Variants in DEPDC5 observed in about 807,000 individuals in gnomAD.
DEPDC5 encodes DEP domain containing 5, GATOR1 subcomplex subunit.
A neutral mutation model predicts 217.3 loss-of-function variants in DEPDC5; 73 were observed. The observed-to-expected ratio is 0.34, with a 90% CI of 0.28 to 0.41. The LOEUF is 0.41. Ranked by LOEUF, DEPDC5 falls within the 10% of genes least tolerant of loss-of-function variation. DEPDC5 has a pLI of 1.00. For missense variants in DEPDC5, 1,675 were observed against 2,070.1 expected (o/e 0.81, Z 3.70); for synonymous variants, 733 against 756.7 (o/e 0.97, Z 0.51).
chr22:31,812,865 C>T (rs903758133), intron 20 of DEPDC5, among the ~76,000 whole-genome samples: 4 of 151,586 alleles, frequency 2.6e-5, no homozygotes, highest in Non-Finnish European at 5.9e-5. Flanking sequence ...CTCAGCCTCC[C>T]GAGTAGCTGG....
intron 37 of DEPDC5, among the ~76,000 whole-genome samples, chr22:31,878,940 TCACTTGAACCTGG>T (rs2093082511): frequency 6.7e-6 from 1 of 148,390 alleles, no homozygotes; most frequent in South Asian, 2.1e-4. Flanking sequence ...GGTAGGAGAA[TCACTTGAACCTGG>T]GAGGCAGAGG....
chr22:31,863,661 A>G (rs1020056093), intron 33 of DEPDC5, among the ~76,000 whole-genome samples: 3 of 152,166 alleles, frequency 2.0e-5, no homozygotes, highest in East Asian at 1.9e-4. Flanking sequence ...TTAAAAATAT[A>G]TACATAAAAA....
At chr22:31,781,233 AC>A (rs1236528263) in intron 8 of DEPDC5, among the ~76,000 whole-genome samples, 2 of 149,698 alleles carry the variant, frequency 1.3e-5, no homozygotes, top group African/African-American at 4.9e-5. Context: ...AAACAAACAA[AC>A]AAAAAAAAAA....
At position 31,901,927 on chromosome 22, in the gene DEPDC5, T is replaced by C. The variant is rs1281347985; in HGVS notation, c.4436+125T>C. 9 of 795,636 alleles carry C rather than the reference T, an allele frequency of 1.1e-5. No homozygotes were observed. In the East Asian group the frequency reaches 2.3e-4, roughly 20 times the overall value. The allele number at this position is 795,636 out of a possible 1,614,324, so 49.3% of individuals were successfully genotyped here. A position where few individuals can be genotyped will look rare whatever the true frequency, so the allele number is the denominator to read the frequency against. ...GGGATGTATTCCACCAATGGCAAAT[T>C]CACTGCTTATCTCCAACAGGACTCT... is the stretch of plus-strand genomic sequence containing the variant. On this transcript the variant is annotated intron_variant, in intron 41 of 42. Coordinates refer to ENST00000651528, the MANE Select transcript of DEPDC5 (RefSeq NM_001242896.3).
chr22:31,809,681 TA>T (rs1362738220), intron 19 of DEPDC5, 34 bp downstream of exon 19: 2 of 1,612,254 alleles, frequency 1.2e-6, no homozygotes, highest in South Asian at 1.1e-5. Flanking sequence ...TTCTTGCTTT[TA>T]AAAAGAGAGT....
intron 38 of DEPDC5, among the ~76,000 whole-genome samples, chr22:31,889,655 C>T (rs926009821): frequency 6.6e-6 from 1 of 151,280 alleles, no homozygotes; most frequent in African/African-American, 2.4e-5. Flanking sequence ...ATTCTCCTGC[C>T]TCAGCCTCCC....
In DEPDC5 at chr22:31,906,169, G is replaced by T; in HGVS notation, c.4520-36G>T. On this transcript the variant is annotated intron_variant, in intron 42 of 42. Transcript: ENST00000651528. The surrounding 1 kb of genome is among the most constrained non-coding windows in gnomAD (Gnocchi z 5.1). ...CTCAGCAGGCTCCAGGAGCCCTCCT[G>T]GTGGCTGCCACACAGGCGCTCCCCT... The T allele has an allele frequency of 1.2e-6, 2 of 1,612,706 alleles. No homozygotes were observed. The highest frequency in any genetic ancestry group is 4.5e-5 in the East Asian group (2 of 44,844).
chr22:31,879,043 A>AATAT (rs1555918454), intron 37 of DEPDC5, among the ~76,000 whole-genome samples: 1,782 of 119,184 alleles, frequency 0.015, 31 homozygotes, highest in East Asian at 0.036. Context: ...AAAAAAAAAA[A>AATAT]ATATATATAT....
At chr22:31,871,868 G>A (rs1211926566) in intron 34 of DEPDC5, among the ~76,000 whole-genome samples, 2 of 152,206 alleles carry the variant, frequency 1.3e-5, no homozygotes, top group Non-Finnish European at 2.9e-5. Context: ...GAAATGGGCT[G>A]CACTTAGAGG....
chr22:31,845,380 C>A, intron 30 of DEPDC5, 143 bp downstream of exon 30: 1 of 1,144,770 alleles, frequency 8.7e-7, no homozygotes, highest in Non-Finnish European at 1.2e-6. Context: ...ACAGTGTTTT[C>A]TCCTCCACCG....
chr22:31,821,614 A>T lies in DEPDC5; in HGVS notation c.1983A>T (p.Leu661Phe). The change falls in exon 23 of 43, where the codon TTA becomes TTT. Residue 661 changes from leucine to phenylalanine, a missense_variant. Around this residue, in one of 11 missense-constraint regions of DEPDC5, gnomAD observed 136 missense variants for 132.2 expected, o/e 1.03. Transcript: ENST00000651528. ...ACTCCTCTGCAGAGCTGCTGGAGTT[A>T]GCATATCATGAAGCTGCTGGAAGGT... is the stretch of plus-strand genomic sequence containing the variant. ...PTHSSAELLE[L>F]AYHEAAGRHS... is the part of the protein sequence containing the mutation. The T allele has an allele frequency of 6.2e-7, 1 of 1,613,912 alleles. No homozygotes were observed. The highest frequency in any genetic ancestry group is 1.3e-5 in the African/African-American group (1 of 75,042).
intron 7 of DEPDC5, among the ~76,000 whole-genome samples, chr22:31,775,184 CT>C (rs879415250): frequency 1.6e-3 from 227 of 144,256 alleles, no homozygotes; most frequent in Non-Finnish European, 1.5e-3. Flanking sequence ...GTCTTCCTTC[CT>C]TTTTTTTTTT....
In DEPDC5 at chr22:31,906,808, G is replaced by A; in HGVS notation, c.*311G>A. On this transcript the variant is annotated 3_prime_UTR_variant, in exon 43 of 43. Transcript: ENST00000651528. The surrounding 1 kb of genome is among the most constrained non-coding windows in gnomAD (Gnocchi z 5.1). ...CCAGTGTCTGGGAAGAGGGCAGGCG[G>A]CCCCCATGAATGTCCTCGGAAGGGG... The A allele has an allele frequency of 2.2e-6, 1 of 463,134 alleles. No homozygotes were observed. The highest frequency in any genetic ancestry group is 3.9e-6 in the Non-Finnish European group (1 of 257,242). 28.7% of individuals were successfully genotyped at this position (463,134 alleles called of 1,614,324 possible). A position where few individuals can be genotyped will look rare whatever the true frequency, so the allele number is the denominator to read the frequency against.
At chr22:31,893,450 G>A in intron 38 of DEPDC5, 132 bp from the exon 39 acceptor site, 1 of 822,344 alleles carries the variant, frequency 1.2e-6, no homozygotes. Context: ...TGATTTCCAG[G>A]AAACTTCTGG....
chr22:31,756,714 AGTTCAGGACCAGCCT>A (rs2081967096), intron 2 of DEPDC5, among the ~76,000 whole-genome samples: 1 of 152,082 alleles, frequency 6.6e-6, no homozygotes, highest in Admixed American at 6.6e-5. Context: ...TGAGGTCAGG[AGTTCAGGACCAGCCT>A]GGCCAACATA....
intron 35 of DEPDC5, among the ~76,000 whole-genome samples, chr22:31,873,654 T>A (rs2092912261): frequency 6.6e-6 from 1 of 151,888 alleles, no homozygotes; most frequent in Non-Finnish European, 1.5e-5. Context: ...AGCCACAGGG[T>A]TGATGTAAAG....
intron 19 of DEPDC5, among the ~76,000 whole-genome samples, chr22:31,810,060 A>ACCTGAGTTCCCTTTGTG (rs2088082100): frequency 6.6e-6 from 1 of 152,174 alleles, no homozygotes; most frequent in South Asian, 2.1e-4. Flanking sequence ...AAGTCAGGAG[A>ACCTGAGTTCCCTTTGTG]CCTGAGTTCC....
In DEPDC5 at chr22:31,879,529, C is replaced by T. The variant is rs200033252; in HGVS notation, c.3810C>T (p.Ala1270=). 7.0e-4 allele frequency: 1,131 copies of T among 1,609,266 alleles called. 7 individuals carry two copies. The African/African-American group carries it at 7.2e-3, about 10-fold the overall frequency. The part of the protein sequence containing the change: ...IVTDKEPDRV[A]MQQPATTWHT... ...TCTCCCCTCCACTTTTCCCAGTGGC[C>T]ATGCAGCAGCCCGCCACCACCTGGC... Residue 1270 remains alanine (A), a synonymous_variant, in exon 38 of 43, where the codon GCC becomes GCT. Transcript: ENST00000651528.
intron 34 of DEPDC5, among the ~76,000 whole-genome samples, chr22:31,871,006 G>A (rs1437555620): frequency 1.3e-5 from 2 of 152,232 alleles, no homozygotes; most frequent in East Asian, 3.8e-4. Context: ...CAGGGCTTCC[G>A]GAAGGGGGCT....
Sources: gnomAD v4.1 joint callset for allele counts (sites outside exome capture counted in the v4.1 genomes callset) on GRCh38, gnomAD v4.1.1 for gene constraint, gnomAD v4.1.1 regional missense constraint, Gnocchi (gnomAD v3.1) non-coding constraint, MANE v1.5 for transcripts, NCBI Gene and HGNC (gene_info 2026-07-23, HGNC 2026-07-21) for gene names.